CCDC6: variants seen among roughly 807,000 people sequenced by gnomAD.
CCDC6 encodes the protein coiled-coil domain-containing protein 6.
A neutral mutation model predicts 56.6 loss-of-function variants in CCDC6; 20 were observed. The observed-to-expected ratio is 0.35, with a 90% CI of 0.25 to 0.51. CCDC6 has a LOEUF of 0.51. Among genes scored for constraint, CCDC6 ranks in the 20% least tolerant of loss-of-function variants. The pLI, the probability that CCDC6 is intolerant of heterozygous loss-of-function variation, is 0.95. For synonymous variants in CCDC6, 241 were observed against 234.4 expected (o/e 1.03, Z -0.26); for missense variants, 367 against 601.1 (o/e 0.61, Z 4.07).
intron 2 of CCDC6, among the ~76,000 whole-genome samples, chr10:59,844,977 C>A (rs890144592): frequency 6.6e-6 from 1 of 152,132 alleles, no homozygotes; most frequent in African/African-American, 2.4e-5. Context: ...CAGGATATAA[C>A]TCCGTATTTT....
intron 2 of CCDC6, among the ~76,000 whole-genome samples, chr10:59,850,897 TTTATGTTTTCATTCTTATGTTC>T (rs923714176): frequency 5.3e-5 from 8 of 152,070 alleles, no homozygotes; most frequent in East Asian, 1.9e-4. Flanking sequence ...TTCATTCTTT[TTTATGTTTTCATTCTTATGTTC>T]TTATGTTTTC....
intron 1 of CCDC6, among the ~76,000 whole-genome samples, chr10:59,857,912 C>G (rs2071093722): frequency 6.6e-6 from 1 of 152,174 alleles, no homozygotes; most frequent in Non-Finnish European, 1.5e-5. Context: ...AACACACAGG[C>G]AACTGAATAA....
intron 1 of CCDC6, among the ~76,000 whole-genome samples, chr10:59,858,639 G>A (rs1177201996): frequency 6.6e-6 from 1 of 152,156 alleles, no homozygotes; most frequent in Non-Finnish European, 1.5e-5. Flanking sequence ...GTCCTTCTGG[G>A]CATGTCCTAA....
At chr10:59,832,495 C>G in intron 3 of CCDC6, 30 bp downstream of exon 3, 1 of 1,587,310 alleles carries the variant, frequency 6.3e-7, no homozygotes, top group East Asian at 2.2e-5. Flanking sequence ...CGAGAAAATA[C>G]AATGTAAAGG....
intron 2 of CCDC6, among the ~76,000 whole-genome samples, chr10:59,837,746 C>CAAAAAAAAAAA (rs397940135): frequency 1.4e-3 from 70 of 49,686 alleles, no homozygotes; most frequent in Admixed American, 1.7e-3. Flanking sequence ...GACTCTGTCT[C>CAAAAAAAAAAA]AAAAAAAAAA....
At chr10:59,796,686 G>T (rs1331203792) in intron 7 of CCDC6, among the ~76,000 whole-genome samples, 1 of 152,178 alleles carries the variant, frequency 6.6e-6, no homozygotes, top group African/African-American at 2.4e-5. Context: ...AAAATGTGGA[G>T]GCCTGGAGCG....
At chr10:59,901,719 C>A (rs1050692643) in intron 1 of CCDC6, among the ~76,000 whole-genome samples, 7 of 152,180 alleles carry the variant, frequency 4.6e-5, no homozygotes, top group African/African-American at 1.7e-4. Flanking sequence ...CCTGCTTATA[C>A]ACGGAGAATG....
intron 1 of CCDC6, among the ~76,000 whole-genome samples, chr10:59,882,971 T>A (rs940142497): frequency 9.9e-5 from 15 of 151,232 alleles, no homozygotes; most frequent in African/African-American, 3.4e-4. Context: ...AAAAAAAAAA[T>A]TAGTAAAATT....
At chr10:59,890,163 C>G (rs553247932) in intron 1 of CCDC6, among the ~76,000 whole-genome samples, 1 of 152,278 alleles carries the variant, frequency 6.6e-6, no homozygotes, top group East Asian at 1.9e-4. Context: ...CCAGTTCTCC[C>G]AGTACCACTG....
Position 59,790,148 on chromosome 10 carries a change from G to C in CCDC6, c.*2769C>G, listed in dbSNP as rs1260123496. 9.3e-6 allele frequency: 2 copies of C among 215,666 alleles called. No individual in the cohort carries two copies. The highest frequency in any genetic ancestry group is 9.4e-6 in the Non-Finnish European group (1 of 106,778). 13.4% of individuals were successfully genotyped at this position (215,666 alleles called of 1,614,324 possible). ...GAGCCCAAAGAGGTGTCAGGTATTA[G>C]GTAAGTTAATTTGGTTTTGTATAAA... On this transcript the variant is annotated 3_prime_UTR_variant, in exon 9 of 9. Transcript: ENST00000263102.
chr10:59,843,672 CAGG>C lies in CCDC6; in HGVS notation c.453+8878_453+8880del, dbSNP rs1238189988. 1.3e-5 allele frequency among the ~76,000 whole-genome samples: 2 copies of C among 152,308 alleles called. 1 individual carries two copies. The highest frequency in any genetic ancestry group is 4.2e-4 in the South Asian group (2 of 4,818). The stretch of plus-strand genomic sequence containing the variant: ...AATATTGTATTTGAAAATTTATCAG[CAGG>C]AGAAGCTTGTAGCCTAGGATGATAG... On this transcript the variant is annotated intron_variant, in intron 2 of 8. Transcript: ENST00000263102.
chr10:59,809,600 C>G (rs115392816), intron 5 of CCDC6, among the ~76,000 whole-genome samples: 55 of 152,248 alleles, frequency 3.6e-4, no homozygotes, highest in African/African-American at 1.3e-3. Flanking sequence ...CCTATGAGTC[C>G]TCCTCCTTCC....
At chr10:59,845,295 T>C (rs1341712259) in intron 2 of CCDC6, among the ~76,000 whole-genome samples, 1 of 151,256 alleles carries the variant, frequency 6.6e-6, no homozygotes, top group South Asian at 2.1e-4. Context: ...ACATTTTATG[T>C]CAAAAAAGTC....
At chr10:59,899,296 G>C (rs2071486832) in intron 1 of CCDC6, among the ~76,000 whole-genome samples, 1 of 152,138 alleles carries the variant, frequency 6.6e-6, no homozygotes, top group South Asian at 2.1e-4. Flanking sequence ...CAATGTGATT[G>C]AAAACAAAAA....
chr10:59,824,831 A>C (rs1450434601), intron 3 of CCDC6, among the ~76,000 whole-genome samples: 1 of 152,206 alleles, frequency 6.6e-6, no homozygotes, highest in Non-Finnish European at 1.5e-5. Context: ...TGTACAATGC[A>C]AACGTTTGAT....
At chr10:59,879,386 A>G (rs1394122342) in intron 1 of CCDC6, among the ~76,000 whole-genome samples, 1 of 152,234 alleles carries the variant, frequency 6.6e-6, no homozygotes, top group Non-Finnish European at 1.5e-5. Flanking sequence ...TTGAGAAACA[A>G]ATAAGTATCC....
At chr10:59,884,069 T>C (rs2071365707) in intron 1 of CCDC6, among the ~76,000 whole-genome samples, 1 of 152,212 alleles carries the variant, frequency 6.6e-6, no homozygotes, top group Non-Finnish European at 1.5e-5. Context: ...AGATTCTTAC[T>C]AAGAGAAGCA....
At chr10:59,894,891 C>T (rs1194535659) in intron 1 of CCDC6, among the ~76,000 whole-genome samples, 1 of 152,208 alleles carries the variant, frequency 6.6e-6, no homozygotes, top group Non-Finnish European at 1.5e-5. Context: ...CCTGGCAACA[C>T]TCCCTTAGGC....
At chr10:59,859,031 T>A (rs10994058) in intron 1 of CCDC6, among the ~76,000 whole-genome samples, 1 of 152,058 alleles carries the variant, frequency 6.6e-6, no homozygotes, top group African/African-American at 2.4e-5. Flanking sequence ...GGCAACTCCC[T>A]CTGGGTTAGT....
Sources: allele counts gnomAD v4.1 joint callset (sites outside exome capture counted in the v4.1 genomes callset), GRCh38; gene constraint gnomAD v4.1.1; transcripts MANE v1.5; gene names NCBI Gene and HGNC (gene_info 2026-07-23, HGNC 2026-07-21).